The following ANO4 variants were observed in gnomAD, a reference collection of about 807,000 sequenced individuals.
The protein encoded by ANO4 is anoctamin-4.
ANO4 carries 69 observed loss-of-function variants against 141.9 expected under a neutral mutation model. That is an observed-to-expected ratio of 0.49 (90% CI 0.40 to 0.59). ANO4 has a LOEUF of 0.59. ANO4 is among the 20% of genes least tolerant of loss of function. ANO4 has a pLI of 0.00. For synonymous variants in ANO4, 350 were observed against 394.3 expected (o/e 0.89, Z 1.33); for missense variants, 894 against 1,162.2 (o/e 0.77, Z 3.36).
At chr12:100,770,781 A>ATTTTT (rs10652346) in intron 3 of ANO4, among the ~76,000 whole-genome samples, 2 of 131,366 alleles carry the variant, frequency 1.5e-5, no homozygotes, top group East Asian at 2.3e-4. Flanking sequence ...CTTGGCTTGA[A>ATTTTT]TTTTTTTTTT....
rs188001380 is a variant in ANO4 at position 101,021,341 on chromosome 12, T to C, written c.841+1201T>C. Among the ~76,000 whole-genome samples, 226 of 152,324 alleles carry C rather than the reference T, an allele frequency of 1.5e-3. 1 individual carries two copies. The highest frequency in any genetic ancestry group is 4.9e-3 in the African/African-American group (203 of 41,582). Reference sequence around the variant, plus strand: ...ACCACGCACTGCAGGAGCTGGGTACTGTAGAAGTATGTGCTACAGAAGCCT... The same window carrying C: ...ACCACGCACTGCAGGAGCTGGGTACCGTAGAAGTATGTGCTACAGAAGCCT... On this transcript the variant is annotated intron_variant, in intron 9 of 27. Transcript: ENST00000392977.
chr12:100,736,526 G>T (rs10860628), intron 2 of ANO4, among the ~76,000 whole-genome samples: 15 of 151,906 alleles, frequency 9.9e-5, no homozygotes, highest in Non-Finnish European at 1.3e-4. Flanking sequence ...TGCAGACTTG[G>T]GCCAAGTGGC....
rs538276345 is a variant in ANO4, at chr12:100,821,437, T to A, written c.-141+26410T>A. 3.3e-5 allele frequency among the ~76,000 whole-genome samples: 5 copies of A among 152,114 alleles called. No homozygotes were observed. The South Asian group carries it at 1.0e-3, about 32-fold the overall frequency. On this transcript the variant is annotated intron_variant, in intron 1 of 27. Transcript: ENST00000392977. ...ATATGGTTATTATTAAAAATCGATTTGGAATGGAAGAATAAAAATAAAATG... is the reference window on the plus strand; with the variant it reads ...ATATGGTTATTATTAAAAATCGATTAGGAATGGAAGAATAAAAATAAAATG...
chr12:100,860,899 C>G (rs1286288230), intron 1 of ANO4, among the ~76,000 whole-genome samples: 1 of 152,212 alleles, frequency 6.6e-6, no homozygotes, highest in Non-Finnish European at 1.5e-5. Context: ...TGTGTTCTCG[C>G]TGACTTCAAG....
intron 3 of ANO4, among the ~76,000 whole-genome samples, chr12:100,937,049 A>G (rs1385598944): frequency 6.6e-6 from 1 of 152,174 alleles, no homozygotes; most frequent in Non-Finnish European, 1.5e-5. Flanking sequence ...ATTTAATCAC[A>G]TTACTTGAAA....
intron 14 of ANO4, among the ~76,000 whole-genome samples, chr12:101,076,272 A>T (rs985618356): frequency 2.0e-5 from 3 of 152,146 alleles, no homozygotes; most frequent in African/African-American, 7.2e-5. Context: ...GAGACCCCAG[A>T]GAGCTAACTA....
chr12:100,968,392 G>A (rs1592870378), intron 5 of ANO4, among the ~76,000 whole-genome samples: 1 of 152,148 alleles, frequency 6.6e-6, no homozygotes, highest in African/African-American at 2.4e-5. Context: ...AACACTTACA[G>A]TAAATCTATG....
intron 8 of ANO4, 138 bp downstream of exon 8, chr12:100,987,808 C>A: frequency 8.2e-7 from 1 of 1,225,996 alleles, no homozygotes; most frequent in Non-Finnish European, 1.1e-6. Context: ...TGTGAGTGTT[C>A]ATATCCCTTT....
chr12:101,059,345 A>G (rs1024311322), intron 14 of ANO4, among the ~76,000 whole-genome samples: 5 of 152,134 alleles, frequency 3.3e-5, no homozygotes, highest in Non-Finnish European at 5.9e-5. Context: ...TGTCTCTGCT[A>G]GGTTTTGGTA....
intron 3 of ANO4, among the ~76,000 whole-genome samples, chr12:100,750,298 A>ATT (rs1174885460): frequency 0.057 from 7,718 of 135,310 alleles, 579 homozygotes; most frequent in African/African-American, 0.17. Context: ...CACCTGGCTA[A>ATT]TTTTTTTTTT....
At chr12:101,061,692 A>G (rs2048355740) in intron 14 of ANO4, among the ~76,000 whole-genome samples, 1 of 151,826 alleles carries the variant, frequency 6.6e-6, no homozygotes, top group Non-Finnish European at 1.5e-5. Flanking sequence ...ATACTTGTAT[A>G]TGCTTCACAA....
intron 1 of ANO4, among the ~76,000 whole-genome samples, chr12:100,719,698 A>T (rs2030773999): frequency 6.6e-6 from 1 of 152,220 alleles, no homozygotes; most frequent in East Asian, 1.9e-4. Flanking sequence ...GGTTCACAAG[A>T]TGAGAGAGAA....
At chr12:100,995,868 A>G (rs1420705681) in intron 8 of ANO4, among the ~76,000 whole-genome samples, 1 of 152,228 alleles carries the variant, frequency 6.6e-6, no homozygotes, top group Non-Finnish European at 1.5e-5. Flanking sequence ...AGAACAGGAA[A>G]GGAGCAAGGC....
chr12:100,938,804 T>G (rs1287159221), intron 3 of ANO4, among the ~76,000 whole-genome samples: 1 of 152,190 alleles, frequency 6.6e-6, no homozygotes, highest in Admixed American at 6.5e-5. Flanking sequence ...TATTGTTGCA[T>G]TAGGTTTTCT....
chr12:100,966,795 GTA>G (rs1225125530), intron 5 of ANO4, among the ~76,000 whole-genome samples: 2 of 147,702 alleles, frequency 1.4e-5, no homozygotes, highest in Non-Finnish European at 3.0e-5. Flanking sequence ...ACACACACAT[GTA>G]TATATATACA....
At chr12:100,990,849 A>G (rs1467487848) in intron 8 of ANO4, among the ~76,000 whole-genome samples, 1 of 152,194 alleles carries the variant, frequency 6.6e-6, no homozygotes, top group Non-Finnish European at 1.5e-5. Flanking sequence ...GGAGACAGTA[A>G]CGTGTGTATA....
chr12:101,078,629 A>C (rs1033021659), intron 14 of ANO4, among the ~76,000 whole-genome samples: 1 of 152,174 alleles, frequency 6.6e-6, no homozygotes, highest in Admixed American at 6.5e-5. Flanking sequence ...GTTTGGAGAA[A>C]AGAGAAACAA....
At chr12:101,097,243 A>G (rs929919925) in intron 19 of ANO4, among the ~76,000 whole-genome samples, 2 of 152,130 alleles carry the variant, frequency 1.3e-5, no homozygotes, top group Non-Finnish European at 2.9e-5. Flanking sequence ...TCTCTCCTTC[A>G]TTTCTAGCTA....
At chr12:100,940,897 C>T (rs1201326384) in intron 4 of ANO4, among the ~76,000 whole-genome samples, 1 of 152,132 alleles carries the variant, frequency 6.6e-6, no homozygotes, top group Non-Finnish European at 1.5e-5. Context: ...AAATTCAATC[C>T]ACTCCTTTTG....
Sources: gnomAD v4.1 joint callset for allele counts (sites outside exome capture counted in the v4.1 genomes callset) on GRCh38, gnomAD v4.1.1 for gene constraint, MANE v1.5 for transcripts, NCBI Gene and HGNC (gene_info 2026-07-23, HGNC 2026-07-21) for gene names.